Variants in VAT1L observed in about 807,000 individuals in gnomAD.
VAT1L encodes vesicle amine transport 1 like.
In VAT1L, 34 loss-of-function variants were observed where a neutral mutation model predicts 44.1. That is an observed-to-expected ratio of 0.77 (90% CI 0.59 to 1.03). The LOEUF is 1.03. VAT1L is among the 50% of genes least tolerant of loss of function. VAT1L has a pLI of 0.00. For synonymous variants in VAT1L, 253 were observed against 202.2 expected (o/e 1.25, Z -2.13); for missense variants, 615 against 538.8 (o/e 1.14, Z -1.40).
At chr16:77,852,459 C>G (rs1459329164) in intron 3 of VAT1L, among the ~76,000 whole-genome samples, 1 of 152,208 alleles carries the variant, frequency 6.6e-6, no homozygotes, top group Non-Finnish European at 1.5e-5. Context: ...GTTGCCAGAT[C>G]ACTTCACGAA....
intron 2 of VAT1L, among the ~76,000 whole-genome samples, chr16:77,823,704 T>C (rs1597181478): frequency 1.3e-5 from 2 of 152,338 alleles, no homozygotes; most frequent in South Asian, 2.1e-4. Flanking sequence ...ATAGATTTCA[T>C]AGTGATCAAA....
chr16:77,876,331 A>G (rs2017086472), intron 4 of VAT1L, 39 bp from the exon 5 acceptor site: 3 of 1,561,272 alleles, frequency 1.9e-6, no homozygotes, highest in Non-Finnish European at 2.7e-6. Context: ...CTGGCTCCTG[A>G]CAGGTCACAG....
chr16:77,851,759 G>A (rs749495925), intron 3 of VAT1L, among the ~76,000 whole-genome samples: 3 of 152,098 alleles, frequency 2.0e-5, no homozygotes, highest in Non-Finnish European at 2.9e-5. Flanking sequence ...ATGTGAGTTC[G>A]CTGAGGCTCA....
chr16:77,804,977 T>C (rs938439178), intron 1 of VAT1L, among the ~76,000 whole-genome samples: 4 of 152,162 alleles, frequency 2.6e-5, no homozygotes, highest in Non-Finnish European at 4.4e-5. Flanking sequence ...GTGGCTGCAG[T>C]GGCTTGCTTA....
intron 7 of VAT1L, among the ~76,000 whole-genome samples, chr16:77,890,788 G>A (rs1023032447): frequency 2.6e-5 from 4 of 151,926 alleles, no homozygotes; most frequent in African/African-American, 4.8e-5. Flanking sequence ...GCCAGGCGTG[G>A]TGGTACACAC....
intron 3 of VAT1L, among the ~76,000 whole-genome samples, chr16:77,844,484 C>G (rs1424778487): frequency 6.6e-6 from 1 of 152,156 alleles, no homozygotes; most frequent in East Asian, 1.9e-4. Flanking sequence ...TCTCAGCTCC[C>G]TGCAACCTCC....
At chr16:77,893,831 GT>G (rs1468356619) in intron 7 of VAT1L, among the ~76,000 whole-genome samples, 1 of 152,148 alleles carries the variant, frequency 6.6e-6, no homozygotes, top group Non-Finnish European at 1.5e-5. Flanking sequence ...ATGTATAGAA[GT>G]TTTTGGAAAG....
chr16:77,959,591 T>C (rs149968413), intron 7 of VAT1L, among the ~76,000 whole-genome samples: 1 of 152,318 alleles, frequency 6.6e-6, no homozygotes, highest in East Asian at 1.9e-4. Flanking sequence ...TCCCCCTTTT[T>C]ACACGGATAT....
intron 3 of VAT1L, among the ~76,000 whole-genome samples, chr16:77,838,803 C>A (rs568188727): frequency 6.1e-4 from 91 of 150,308 alleles, no homozygotes; most frequent in African/African-American, 2.2e-3. Flanking sequence ...TCTCTCATTT[C>A]TTTCCTTCTT....
At chr16:77,905,889 T>C (rs969897280) in intron 7 of VAT1L, among the ~76,000 whole-genome samples, 2 of 152,228 alleles carry the variant, frequency 1.3e-5, no homozygotes, top group Non-Finnish European at 2.9e-5. Context: ...CTGTCAGATC[T>C]AGGAGGTTTA....
intron 8 of VAT1L, among the ~76,000 whole-genome samples, chr16:77,972,642 G>A (rs879425000): frequency 6.6e-6 from 1 of 152,092 alleles, no homozygotes; most frequent in Admixed American, 6.5e-5. Context: ...TTAGCCGGGT[G>A]TGGTGTCAGG....
At chr16:77,886,484 A>G (rs568491917) in intron 7 of VAT1L, among the ~76,000 whole-genome samples, 2 of 152,338 alleles carry the variant, frequency 1.3e-5, no homozygotes, top group South Asian at 2.1e-4. Flanking sequence ...ATTGAAATCC[A>G]AGAGGAGTCC....
chr16:77,944,985 C>G (rs143036191), intron 7 of VAT1L, among the ~76,000 whole-genome samples: 82 of 152,262 alleles, frequency 5.4e-4, no homozygotes, highest in African/African-American at 1.9e-3. Flanking sequence ...TTCTTTAAAG[C>G]CTGCATGGAA....
At chr16:77,922,708 T>C (rs2017625360) in intron 7 of VAT1L, among the ~76,000 whole-genome samples, 1 of 152,170 alleles carries the variant, frequency 6.6e-6, no homozygotes. Flanking sequence ...TTTTTAGAAA[T>C]TCCCTTTAAG....
chr16:77,830,915 C>G (rs1028608160), intron 3 of VAT1L, among the ~76,000 whole-genome samples: 1 of 152,320 alleles, frequency 6.6e-6, no homozygotes, highest in East Asian at 1.9e-4. Flanking sequence ...AACTCCTGAT[C>G]TCAGGTGATC....
chr16:77,837,624 A>G (rs2016653861), intron 3 of VAT1L, among the ~76,000 whole-genome samples: 1 of 152,188 alleles, frequency 6.6e-6, no homozygotes, highest in East Asian at 1.9e-4. Context: ...CAGTATGTAC[A>G]TTATAAAAAT....
intron 3 of VAT1L, among the ~76,000 whole-genome samples, chr16:77,828,647 G>C (rs1285230086): frequency 6.6e-6 from 1 of 151,854 alleles, no homozygotes; most frequent in African/African-American, 2.4e-5. Context: ...TGGACAACAA[G>C]AGCAAAACTC....
chr16:77,881,466 T>A (rs552027554), intron 6 of VAT1L, among the ~76,000 whole-genome samples: 1 of 152,138 alleles, frequency 6.6e-6, no homozygotes, highest in South Asian at 2.1e-4. Context: ...AGTGCTAAAA[T>A]AGAAAATAGC....
chr16:77,921,026 C>G (rs2017606411), intron 7 of VAT1L, among the ~76,000 whole-genome samples: 1 of 152,040 alleles, frequency 6.6e-6, no homozygotes, highest in Non-Finnish European at 1.5e-5. Context: ...ACACAAATAT[C>G]CATTTCATTA....
Sources: allele counts gnomAD v4.1 joint callset (sites outside exome capture counted in the v4.1 genomes callset), GRCh38; gene constraint gnomAD v4.1.1; transcripts MANE v1.5; gene names NCBI Gene and HGNC (gene_info 2026-07-23, HGNC 2026-07-21).